The following ZNF300 variants were observed in gnomAD, a reference collection of about 807,000 sequenced individuals.
The protein encoded by ZNF300 is zinc finger protein 300.
ZNF300 carries 6 observed loss-of-function variants against 13.9 expected under a neutral mutation model. That is an observed-to-expected ratio of 0.43 (90% CI 0.24 to 0.85). The LOEUF is 0.85. Ranked by LOEUF, ZNF300 falls within the 40% of genes least tolerant of loss-of-function variation. ZNF300 has a pLI of 0.25. For synonymous variants in ZNF300, 237 were observed against 242.2 expected, an observed-to-expected ratio of 0.98 and a Z score of 0.20; for missense variants, 662 against 714.2, an observed-to-expected ratio of 0.93 and a Z score of 0.83.
At chr5:150,902,550 T>C (rs1366911087) in intron 3 of ZNF300, among the ~76,000 whole-genome samples, 1 of 152,214 alleles carries the variant, frequency 6.6e-6, no homozygotes, top group African/African-American at 2.4e-5. Flanking sequence ...AACTCTGCCA[T>C]TGTAGCTAGA....
Position 150,904,776 on chromosome 5 carries a change from T to C in ZNF300, c.-214A>G, listed in dbSNP as rs1003446314. 1.3e-5 allele frequency: 2 copies of C among 153,260 alleles called. No homozygotes were observed. The highest frequency in any genetic ancestry group is 3.7e-4 in the East Asian group (2 of 5,344). The allele number at this position is 153,260 out of a possible 1,614,324, so 9.5% of individuals were successfully genotyped here. ...TCCCAAAACCACCATCACCGCTTAA[T>C]GGGAACCGCTGTCACATCCCTATTG... On this transcript the variant is annotated 5_prime_UTR_variant, in exon 1 of 6. Transcript: ENST00000274599.
In ZNF300 at chr5:150,895,898, G is replaced by A; in HGVS notation, c.1341C>T (p.Ser447=). Residue 447 remains serine, a synonymous_variant, in exon 6 of 6, where the codon AGC becomes AGT. Coordinates refer to ENST00000274599, the MANE Select transcript of ZNF300 (RefSeq NM_052860.4). ...GATGTGTAATGAGTTCTGTCTTCCT[G>A]CTGAAGGCTTCCTCACATTGAGCAC... is the stretch of plus-strand genomic sequence containing the variant. The part of the protein sequence containing the change: ...YKCAQCEEAF[S]RKTELITHQL... 1.9e-6 allele frequency: 3 copies of A among 1,613,464 alleles called. No homozygotes were observed. The highest frequency in any genetic ancestry group is 2.5e-6 in the Non-Finnish European group (3 of 1,179,820).
Position 150,896,766 on chromosome 5 carries a change from TCA to T in ZNF300, c.471_472del (p.Glu158GlyfsTer5), listed in dbSNP as rs1561755987. The T allele has an allele frequency of 6.2e-7, 1 of 1,613,826 alleles. No individual in the cohort carries two copies. The highest frequency in any genetic ancestry group is 2.2e-5 in the East Asian group (1 of 44,850). The stretch of plus-strand genomic sequence containing the variant: ...TGGATTATATTTATGCCCTGATGCC[TCA>T]GTCACTGTTTTGCTGTTAACAAATG... On this transcript the variant is annotated frameshift_variant, in exon 6 of 6. Coordinates refer to ENST00000274599, the MANE Select transcript of ZNF300 (RefSeq NM_052860.4). LOFTEE classifies it low-confidence loss of function (END_TRUNC).
At chr5:150,897,098 T>A in intron 5 of ZNF300, 125 bp from the exon 6 acceptor site, 1 of 699,410 alleles carries the variant, frequency 1.4e-6, no homozygotes, top group Non-Finnish European at 2.3e-6. Flanking sequence ...AAACAGGTCA[T>A]CTCAGAAGAC....
chr5:150,900,509 T>G (rs554171070), intron 3 of ZNF300: 2 of 152,140 alleles, frequency 1.3e-5, no homozygotes, highest in African/African-American at 4.8e-5. Context: ...AACTTTTATG[T>G]GTTAATGTTA....
At chr5:150,902,720 C>T (rs1347205446) in intron 3 of ZNF300, among the ~76,000 whole-genome samples, 3 of 152,132 alleles carry the variant, frequency 2.0e-5, no homozygotes, top group Admixed American at 6.5e-5. Flanking sequence ...TATGATACAT[C>T]CCCTCTAAAA....
intron 3 of ZNF300, among the ~76,000 whole-genome samples, chr5:150,900,425 T>C (rs1438076619): frequency 6.6e-6 from 1 of 152,096 alleles, no homozygotes; most frequent in African/African-American, 2.4e-5. Context: ...TTTAAGCCTA[T>C]TACCTACTTC....
rs774537370 is a variant in ZNF300, at chr5:150,898,578, A to G, written c.16-24T>C. ...CCCTGTAATAGTAAATTCCTGTTCA[A>G]TCTGAAATGATCATTCTCATAATTT... On this transcript the variant is annotated intron_variant, in intron 3 of 5. Coordinates refer to ENST00000274599, the MANE Select transcript of ZNF300 (RefSeq NM_052860.4). 39 of 1,554,924 alleles carry G rather than the reference A, an allele frequency of 2.5e-5. No homozygotes were observed. The East Asian group carries it at 7.9e-4, about 32-fold the overall frequency.
chr5:150,896,742 G>C lies in ZNF300; in HGVS notation c.497C>G (p.Pro166Arg), dbSNP rs927990891. ...GCACTCTTGAAATATTTTCCCCAGT[G>C]GATTATATTTATGCCCTGATGCCTC... ...VTEASGHKYN[P>R]LGKIFQECIE... is the part of the protein sequence containing the mutation. Residue 166 changes from proline (P) to arginine (R), a missense_variant, in exon 6 of 6, where the codon CCA becomes CGA. Physicochemically the swap from Pro to Arg is moderately radical, Grantham distance 103. Transcript: ENST00000274599. The C allele has an allele frequency of 3.1e-6, 5 of 1,613,538 alleles. No homozygotes were observed. The highest frequency in any genetic ancestry group is 4.2e-6 in the Non-Finnish European group (5 of 1,179,724).
At chr5:150,902,493 T>G (rs1755024863) in intron 3 of ZNF300, among the ~76,000 whole-genome samples, 2 of 152,202 alleles carry the variant, frequency 1.3e-5, no homozygotes, top group South Asian at 4.1e-4. Flanking sequence ...TCAGTAAAGT[T>G]TACATTTTTG....
In ZNF300 at chr5:150,898,052, T is replaced by C. The variant is rs899184876; in HGVS notation, c.265+10A>G. 1.6e-5 allele frequency: 26 copies of C among 1,605,842 alleles called. No individual in the cohort carries two copies. Among genetic ancestry groups the C allele is most frequent in the Non-Finnish European group, 2.1e-5 (25 of 1,177,456 alleles). On this transcript the variant is annotated intron_variant, in intron 5 of 5. Transcript: ENST00000274599. ...TCAATTAAAAAAACATAAATTGATA[T>C]TTCACTTCCCTTGTCTCCCATCTGC...
chr5:150,898,699 G>T, intron 3 of ZNF300, 145 bp from the exon 4 acceptor site: 1 of 841,262 alleles, frequency 1.2e-6, no homozygotes, highest in Non-Finnish European at 1.8e-6. Flanking sequence ...GCAGAGCCAG[G>T]CATATGAGGA....
intron 3 of ZNF300, among the ~76,000 whole-genome samples, chr5:150,899,077 C>A (rs556380856): frequency 6.6e-6 from 1 of 151,824 alleles, no homozygotes; most frequent in South Asian, 2.1e-4. Context: ...GAAGATAATG[C>A]AAAGAGAAAA....
chr5:150,895,635 T>C lies in ZNF300; in HGVS notation c.1604A>G (p.His535Arg). Residue 535 changes from histidine (H) to arginine (R), a missense_variant, in exon 6 of 6, where the codon CAC (histidine) becomes CGC (arginine). Physicochemically the swap from His to Arg is conservative, Grantham distance 29. Transcript: ENST00000274599. ...ECGKAFSQKS[H>R]LPGHQRIHTG... ...ATGAATTCGCTGGTGTCCCGGAAGG[T>C]GGGACTTCTGAGAGAAGGCTTTCCC... The C allele has an allele frequency of 6.2e-7, 1 of 1,613,250 alleles. No individual in the cohort carries two copies. Among genetic ancestry groups the C allele is most frequent in the Non-Finnish European group, 8.5e-7 (1 of 1,179,536 alleles).
intron 3 of ZNF300, among the ~76,000 whole-genome samples, chr5:150,902,303 T>G (rs1462504960): frequency 2.0e-5 from 3 of 152,162 alleles, no homozygotes; most frequent in Non-Finnish European, 4.4e-5. Flanking sequence ...ACCTTTGCCC[T>G]CCAAAGATTT....
chr5:150,898,695 C>G, intron 3 of ZNF300, 141 bp from the exon 4 acceptor site: 1 of 895,626 alleles, frequency 1.1e-6, no homozygotes, highest in Admixed American at 2.8e-5. Flanking sequence ...GCAAGCAGAG[C>G]CAGGCATATG....
Position 150,895,959 on chromosome 5 carries a change from T to G in ZNF300, c.1280A>C (p.His427Pro). Reference sequence around the variant, plus strand: ...TTTCTCACCAGTGTGAATTCTTTTATGTATAATGAGGTGGGACTTCTCACA... The same window carrying G: ...TTTCTCACCAGTGTGAATTCTTTTAGGTATAATGAGGTGGGACTTCTCACA... The part of the protein sequence containing the change: ...AFCEKSHLII[H>P]KRIHTGEKPY... The change falls in exon 6 of 6, where the codon CAT becomes CCT. Residue 427 changes from histidine (H) to proline (P), a missense_variant. Transcript: ENST00000274599. 6.2e-7 allele frequency: 1 copy of G among 1,613,622 alleles called. No homozygotes were observed. Among genetic ancestry groups the G allele is most frequent in the Non-Finnish European group, 8.5e-7 (1 of 1,179,796 alleles).
rs760383665 is a variant in ZNF300 at position 150,896,504 on chromosome 5, C to T, written c.735G>A (p.Gln245=). Residue 245 remains glutamine, a synonymous_variant, in exon 6 of 6, where the codon CAG becomes CAA. Coordinates refer to ENST00000274599, the MANE Select transcript of ZNF300 (RefSeq NM_052860.4). The part of the protein sequence containing the change: ...HNGVIPFDDN[Q]CGNVFRNTQS... ...GTGTATTTCTAAAAACGTTTCCACA[C>T]TGATTATCATCAAAAGGTATTACTC... is the stretch of plus-strand genomic sequence containing the variant. The T allele has an allele frequency of 6.2e-7, 1 of 1,613,528 alleles. No individual in the cohort carries two copies. The highest frequency in any genetic ancestry group is 2.2e-5 in the East Asian group (1 of 44,852).
chr5:150,900,516 G>A (rs577417802), intron 3 of ZNF300: 1 of 152,176 alleles, frequency 6.6e-6, no homozygotes, highest in Non-Finnish European at 1.5e-5. Context: ...ATGTGTTAAT[G>A]TTAGTTTCTA....
Sources: allele counts gnomAD v4.1 joint callset (sites outside exome capture counted in the v4.1 genomes callset), GRCh38; gene constraint gnomAD v4.1.1; transcripts MANE v1.5; gene names NCBI Gene and HGNC (gene_info 2026-07-23, HGNC 2026-07-21).